The following FMN2 variants were observed in gnomAD, a reference collection of about 807,000 sequenced individuals.
The protein encoded by FMN2 is formin 2, also known as formin-2.
FMN2 carries 51 observed loss-of-function variants against 142.3 expected under a neutral mutation model. That is an observed-to-expected ratio of 0.36 (90% CI 0.29 to 0.45). The LOEUF (loss-of-function observed/expected upper bound fraction) is 0.45, where lower values mean the gene tolerates loss of function less well. Ranked by LOEUF, FMN2 falls within the 20% of genes least tolerant of loss-of-function variation. The pLI, the probability that FMN2 is intolerant of heterozygous loss-of-function variation, is 1.00. For synonymous variants in FMN2, 882 were observed against 869.8 expected, an observed-to-expected ratio of 1.01 and a Z score of -0.25; for missense variants, 1,936 against 2,122.8, an observed-to-expected ratio of 0.91 and a Z score of 1.73.
chr1:240,407,469 C>T (rs1244145682), intron 15 of FMN2, among the ~76,000 whole-genome samples: 2 of 152,078 alleles, frequency 1.3e-5, no homozygotes, highest in African/African-American at 2.4e-5. Context: ...AAGTTGTAAT[C>T]GGGGTTGGAG....
At chr1:240,311,272 A>G (rs530308908) in intron 8 of FMN2, among the ~76,000 whole-genome samples, 3 of 152,330 alleles carry the variant, frequency 2.0e-5, no homozygotes, top group East Asian at 1.9e-4. Flanking sequence ...CAGCATCCTC[A>G]AAAGTGTATA....
intron 4 of FMN2, among the ~76,000 whole-genome samples, chr1:240,202,099 G>A (rs959133523): frequency 2.0e-5 from 3 of 152,166 alleles, no homozygotes; most frequent in Non-Finnish European, 4.4e-5. Flanking sequence ...TCTTTGTGTG[G>A]TTGCATCTAA....
chr1:240,315,784 A>G (rs774823843), intron 8 of FMN2, among the ~76,000 whole-genome samples: 1 of 152,306 alleles, frequency 6.6e-6, no homozygotes, highest in South Asian at 2.1e-4. Flanking sequence ...TAAAATGTAG[A>G]TCTCTTGAAA....
Position 240,340,409 on chromosome 1 carries a change from C to T in FMN2, c.4765+6180C>T, listed in dbSNP as rs537163531. 2.6e-4 allele frequency among the ~76,000 whole-genome samples: 39 copies of T among 152,032 alleles called. 1 individual carries two copies. The highest frequency in any genetic ancestry group is 6.8e-3 in the Middle Eastern group (2 of 294). On this transcript the variant is annotated intron_variant, in intron 13 of 17. Coordinates refer to ENST00000319653, the MANE Select transcript of FMN2 (RefSeq NM_020066.5). Reference sequence around the variant, plus strand: ...CAGCCTGACCAACATGGTGAAACCCCATCTCTACTAAAAATATAAAAATGA... The same window carrying T: ...CAGCCTGACCAACATGGTGAAACCCTATCTCTACTAAAAATATAAAAATGA...
intron 16 of FMN2, among the ~76,000 whole-genome samples, chr1:240,470,904 T>C (rs1424966112): frequency 6.6e-6 from 1 of 152,196 alleles, no homozygotes; most frequent in Non-Finnish European, 1.5e-5. Flanking sequence ...ATAAATTTTA[T>C]AGCCTTTTAC....
intron 14 of FMN2, among the ~76,000 whole-genome samples, chr1:240,387,809 CT>C (rs972988334): frequency 1.5e-4 from 23 of 152,214 alleles, no homozygotes; most frequent in African/African-American, 5.5e-4. Flanking sequence ...TGTAGTAATA[CT>C]GATGTGGGCA....
intron 4 of FMN2, among the ~76,000 whole-genome samples, chr1:240,204,634 C>T (rs1666256397): frequency 6.6e-6 from 1 of 152,144 alleles, no homozygotes; most frequent in South Asian, 2.1e-4. Flanking sequence ...GCCTGTAGCC[C>T]CAGCTACGCA....
At chr1:240,305,396 G>A (rs1205207150) in intron 8 of FMN2, among the ~76,000 whole-genome samples, 1 of 152,152 alleles carries the variant, frequency 6.6e-6, no homozygotes, top group South Asian at 2.1e-4. Flanking sequence ...CCAGTATTGT[G>A]TTTTTCAAAC....
intron 13 of FMN2, among the ~76,000 whole-genome samples, chr1:240,352,772 T>G (rs1238665168): frequency 6.6e-6 from 1 of 152,354 alleles, no homozygotes; most frequent in East Asian, 1.9e-4. Context: ...ATTTATGACA[T>G]GATTTAAGTA....
At chr1:240,204,483 G>A (rs1304206524) in intron 4 of FMN2, among the ~76,000 whole-genome samples, 2 of 152,302 alleles carry the variant, frequency 1.3e-5, no homozygotes, top group East Asian at 3.9e-4. Flanking sequence ...ATGTGCGGTG[G>A]CTCACGCCTG....
intron 15 of FMN2, among the ~76,000 whole-genome samples, chr1:240,433,124 G>A (rs1675232600): frequency 6.6e-6 from 1 of 152,050 alleles, no homozygotes; most frequent in Non-Finnish European, 1.5e-5. Flanking sequence ...TTTGCTTCAT[G>A]AATTTTGAAA....
intron 2 of FMN2, among the ~76,000 whole-genome samples, chr1:240,142,272 GA>G (rs1663216135): frequency 6.6e-6 from 1 of 151,910 alleles, no homozygotes. Flanking sequence ...GGGTGTCTTT[GA>G]AAAAAATAAA....
At chr1:240,308,065 A>G (rs1158893531) in intron 8 of FMN2, among the ~76,000 whole-genome samples, 1 of 152,204 alleles carries the variant, frequency 6.6e-6, no homozygotes, top group Non-Finnish European at 1.5e-5. Flanking sequence ...GAGGGAAAGG[A>G]TGTTGCCCAG....
intron 7 of FMN2, among the ~76,000 whole-genome samples, chr1:240,260,234 G>A (rs778656363): frequency 2.0e-5 from 3 of 151,964 alleles, no homozygotes; most frequent in Non-Finnish European, 2.9e-5. Flanking sequence ...TATCTTTTTC[G>A]TACAATGGCT....
intron 1 of FMN2, among the ~76,000 whole-genome samples, chr1:240,122,079 T>TTAATTAATTAATTAATTAATTA (rs34680769): frequency 1.0e-4 from 13 of 123,832 alleles, no homozygotes; most frequent in South Asian, 2.5e-4. Context: ...TTAATTAATT[T>TTAATTAATTAATTAATTAATTA]ATTTATTTAT....
intron 8 of FMN2, among the ~76,000 whole-genome samples, chr1:240,319,679 A>G (rs1457791653): frequency 6.6e-6 from 1 of 151,960 alleles, no homozygotes; most frequent in Non-Finnish European, 1.5e-5. Flanking sequence ...TGGGCGAGGG[A>G]AGGTTTGTTA....
intron 16 of FMN2, among the ~76,000 whole-genome samples, chr1:240,441,437 C>A (rs1675614855): frequency 6.6e-6 from 1 of 152,078 alleles, no homozygotes; most frequent in Non-Finnish European, 1.5e-5. Flanking sequence ...GTGAGTAGAA[C>A]CTCAAGTGGA....
At chr1:240,094,450 G>A (rs918723497) in intron 1 of FMN2, among the ~76,000 whole-genome samples, 2 of 152,192 alleles carry the variant, frequency 1.3e-5, no homozygotes, top group South Asian at 4.1e-4. Flanking sequence ...AAGGTCAAAA[G>A]CACGTCTAGT....
Position 240,091,954 on chromosome 1 carries a change from G to T in FMN2, c.-156G>T, listed in dbSNP as rs1660984156. 1.6e-6 allele frequency: 2 copies of T among 1,259,258 alleles called. No individual in the cohort carries two copies. The highest frequency in any genetic ancestry group is 2.0e-5 in the South Asian group (1 of 50,610). The allele number at this position is 1,259,258 out of a possible 1,614,324, so 78.0% of individuals were successfully genotyped here. On this transcript the variant is annotated 5_prime_UTR_variant, in exon 1 of 18. Coordinates refer to ENST00000319653, the MANE Select transcript of FMN2 (RefSeq NM_020066.5). ...ATGCAAAGCGGCGGCAGATGCGAGC[G>T]GGGCCAGCCGGGCGCGCGTCGGCCT...
Sources: allele counts gnomAD v4.1 joint callset (sites outside exome capture counted in the v4.1 genomes callset), GRCh38; gene constraint gnomAD v4.1.1; transcripts MANE v1.5; gene names NCBI Gene and HGNC (gene_info 2026-07-23, HGNC 2026-07-21).